Variants in HMX1 observed in about 807,000 individuals in gnomAD.
The protein encoded by HMX1 is H6 family homeobox 1, also known as homeobox protein HMX1.
A neutral mutation model predicts 8.9 loss-of-function variants in HMX1; 8 were observed. The ratio of observed to expected loss-of-function variants is 0.90; its 90% confidence interval spans 0.53 to 1.63. HMX1 has a LOEUF of 1.63. HMX1 is among the 40% of genes most tolerant of loss of function. HMX1 has a pLI of 0.00. For missense variants in HMX1, 621 were observed against 558.5 expected (o/e 1.11, Z -1.13); for synonymous variants, 311 against 283.4 (o/e 1.10, Z -0.98).
Position 8,868,781 on chromosome 4 carries a change from A to G in HMX1, c.395-436T>C, listed in dbSNP as rs1420032873. 6.6e-6 allele frequency among the ~76,000 whole-genome samples: 1 copy of G among 152,116 alleles called. No homozygotes were observed. The highest frequency in any genetic ancestry group is 1.5e-5 in the Non-Finnish European group (1 of 68,022). On this transcript the variant is annotated intron_variant, in intron 1 of 1. Transcript: ENST00000400677. This position sits in a 1 kb window ranked among gnomAD's most constrained non-coding sequence, Gnocchi z 4.6. Reference sequence around the variant, plus strand: ...GGACAAGAGGAAAGATGTCCTTCCGAGAAATGTTCACACCGAAAAACAAGC... The same window carrying G: ...GGACAAGAGGAAAGATGTCCTTCCGGGAAATGTTCACACCGAAAAACAAGC...
rs990114967 is a variant in HMX1, at chr4:8,860,279, A to G, written c.394+10942T>C. ...ACCGATATACTGCAGGAGTCCGGGCACAGGCTGAGGGGACCGGCCCGTGCG... is the reference window on the plus strand; with the variant it reads ...ACCGATATACTGCAGGAGTCCGGGCGCAGGCTGAGGGGACCGGCCCGTGCG... On this transcript the variant is annotated intron_variant, in intron 1 of 1. Coordinates refer to the HMX1 transcript ENST00000506970. 2.6e-5 allele frequency among the ~76,000 whole-genome samples: 4 copies of G among 152,218 alleles called. No homozygotes were observed. In the East Asian group the frequency reaches 5.8e-4, roughly 22 times the overall value.
At chr4:8,857,844 G>C (rs1577194973) in intron 1 of HMX1, among the ~76,000 whole-genome samples, 1 of 152,164 alleles carries the variant, frequency 6.6e-6, no homozygotes, top group Admixed American at 6.5e-5. Context: ...AGAGAAGTGC[G>C]CTCCTCCAGG....
intron 1 of HMX1, among the ~76,000 whole-genome samples, chr4:8,851,705 T>C (rs893825609): frequency 2.6e-5 from 4 of 152,174 alleles, no homozygotes; most frequent in Non-Finnish European, 4.4e-5. Context: ...GGCCAGTCAC[T>C]GGGCCTCTCG....
chr4:8,859,861 C>T (rs1277517618), intron 1 of HMX1, among the ~76,000 whole-genome samples: 1 of 152,242 alleles, frequency 6.6e-6, no homozygotes, highest in East Asian at 1.9e-4. Flanking sequence ...AAGGGCCATT[C>T]GCCATTCCAG....
chr4:8,865,377 C>G (rs1224185357), downstream of HMX1, among the ~76,000 whole-genome samples: 1 of 152,204 alleles, frequency 6.6e-6, no homozygotes, highest in Non-Finnish European at 1.5e-5. Flanking sequence ...CCTCGCCAGT[C>G]TGAGTAGCAT....
Position 8,871,782 on chromosome 4 carries a change from C to A in HMX1, c.-168G>T, listed in dbSNP as rs995112184. 34 of 893,304 alleles carry A rather than the reference C, an allele frequency of 3.8e-5. No individual in the cohort carries two copies. Among genetic ancestry groups the A allele is most frequent in the African/African-American group, 2.2e-4 (12 of 55,162 alleles). The allele number at this position is 893,304 out of a possible 1,614,324, so 55.3% of individuals were successfully genotyped here. ...GCCTCCGCGCCGGGCTGGGCTGGGC[C>A]GGGCCGGGAGCGAGTGCGCGCCGAC... is the stretch of plus-strand genomic sequence containing the variant. On this transcript the variant is annotated 5_prime_UTR_variant, in exon 1 of 2. Transcript: ENST00000400677. This position sits in a 1 kb window ranked among gnomAD's most constrained non-coding sequence, Gnocchi z 4.8.
In HMX1 at chr4:8,870,627, C is replaced by T. The variant is rs1477809809; in HGVS notation, c.394+594G>A. Among the ~76,000 whole-genome samples the T allele has an allele frequency of 3.9e-5, 6 of 152,118 alleles. No homozygotes were observed. The highest frequency in any genetic ancestry group is 1.4e-4 in the African/African-American group (6 of 41,420). ...ACAGGACTCTGGGGGGGCACAGCTG[C>T]CATGTTAGATGGCTCCCCTCCCCGG... On this transcript the variant is annotated intron_variant, in intron 1 of 1. Transcript: ENST00000400677. This position sits in a 1 kb window ranked among gnomAD's most constrained non-coding sequence, Gnocchi z 4.4.
chr4:8,850,427 C>T (rs1721411105), intron 1 of HMX1, among the ~76,000 whole-genome samples: 1 of 152,162 alleles, frequency 6.6e-6, no homozygotes, highest in Non-Finnish European at 1.5e-5. Flanking sequence ...GTGGCCCCTC[C>T]AAGCACTGTC....
Position 8,871,486 on chromosome 4 carries a change from C to A in HMX1, c.129G>T (p.Glu43Asp). ...GRATQGDGSR[E>D]DEEEDDDDPE... ...GGTCGTCGTCGTCCTCCTCCTCGTC[C>A]TCCCGGCTGCCGTCGCCCTGGGTCG... The change falls in exon 1 of 2, where the codon GAG becomes GAT. Residue 43 changes from glutamate to aspartate, a missense_variant. Coordinates refer to ENST00000400677, the MANE Select transcript of HMX1 (RefSeq NM_018942.3). This position sits in a 1 kb window ranked among gnomAD's most constrained non-coding sequence, Gnocchi z 4.8. 7.5e-7 allele frequency: 1 copy of A among 1,340,304 alleles called. No homozygotes were observed. The allele number at this position is 1,340,304 out of a possible 1,614,324, so 83.0% of individuals were successfully genotyped here. A position where few individuals can be genotyped will look rare whatever the true frequency, so the allele number is the denominator to read the frequency against.
At chr4:8,863,222 C>G (rs1721888692), downstream of HMX1, among the ~76,000 whole-genome samples, 1 of 152,196 alleles carries the variant, frequency 6.6e-6, no homozygotes, top group Non-Finnish European at 1.5e-5. Flanking sequence ...GAGGAGGGCG[C>G]CGGGGAGCCT....
At position 8,871,498 on chromosome 4, in the gene HMX1, G is replaced by A; in HGVS notation, c.117C>T (p.Asp39=). The A allele has an allele frequency of 1.5e-6, 2 of 1,329,794 alleles. No individual in the cohort carries two copies. The highest frequency in any genetic ancestry group is 1.9e-6 in the Non-Finnish European group (2 of 1,038,328). 82.4% of individuals were successfully genotyped at this position (1,329,794 alleles called of 1,614,324 possible). A position where few individuals can be genotyped will look rare whatever the true frequency, so the allele number is the denominator to read the frequency against. Residue 39 remains aspartate (D), a synonymous_variant, in exon 1 of 2, where the codon GAC becomes GAT. Coordinates refer to ENST00000400677, the MANE Select transcript of HMX1 (RefSeq NM_018942.3). The surrounding 1 kb of genome is among the most constrained non-coding windows in gnomAD (Gnocchi z 4.8). ...AKGAGRATQG[D]GSREDEEEDD... is the part of the protein sequence containing the mutation. ...CCTCCTCCTCGTCCTCCCGGCTGCC[G>A]TCGCCCTGGGTCGCGCGCCCTGCGC... is the stretch of plus-strand genomic sequence containing the variant.
At chr4:8,855,627 A>T (rs28415535) in intron 1 of HMX1, among the ~76,000 whole-genome samples, 7,934 of 151,998 alleles carry the variant, frequency 0.052, 702 homozygotes, top group African/African-American at 0.18. Flanking sequence ...TCAAGGATTC[A>T]CCCTCCAGGA....
downstream of HMX1, among the ~76,000 whole-genome samples, chr4:8,862,533 G>A (rs1320788757): frequency 2.6e-5 from 4 of 152,064 alleles, no homozygotes; most frequent in Non-Finnish European, 4.4e-5. Flanking sequence ...TATTTTTGTT[G>A]CCTTATTATA....
intron 1 of HMX1, among the ~76,000 whole-genome samples, chr4:8,861,456 G>A (rs549282431): frequency 3.9e-5 from 6 of 152,306 alleles, no homozygotes; most frequent in South Asian, 2.1e-4. Flanking sequence ...GGAGAATCAC[G>A]CTCGGGAAAG....
At chr4:8,858,243 C>T (rs1238295445) in intron 1 of HMX1, among the ~76,000 whole-genome samples, 1 of 152,046 alleles carries the variant, frequency 6.6e-6, no homozygotes, top group African/African-American at 2.4e-5. Context: ...AGCTGGAGCC[C>T]CGAGAGCGCT....
At chr4:8,855,423 C>T (rs1296592249) in intron 1 of HMX1, among the ~76,000 whole-genome samples, 7 of 152,154 alleles carry the variant, frequency 4.6e-5, no homozygotes, top group Non-Finnish European at 7.3e-5. Context: ...AAGAAACAGC[C>T]GTGACCTCAG....
chr4:8,871,658 C>T lies in HMX1; in HGVS notation c.-44G>A. 3.4e-6 allele frequency: 4 copies of T among 1,182,776 alleles called. No individual in the cohort carries two copies. The highest frequency in any genetic ancestry group is 4.2e-6 in the Non-Finnish European group (4 of 957,336). The allele number at this position is 1,182,776 out of a possible 1,614,324, so 73.3% of individuals were successfully genotyped here. ...GGGCTCGGCCGGGCTCCTCGGTCCC[C>T]GCTGGGGATGGTGGCGCGCGGCTCC... On this transcript the variant is annotated 5_prime_UTR_variant, in exon 1 of 2. Coordinates refer to ENST00000400677, the MANE Select transcript of HMX1 (RefSeq NM_018942.3). The surrounding 1 kb of genome is among the most constrained non-coding windows in gnomAD (Gnocchi z 4.8).
In HMX1 at chr4:8,870,884, C is replaced by T. The variant is rs958103083; in HGVS notation, c.394+337G>A. On this transcript the variant is annotated intron_variant, in intron 1 of 1. Coordinates refer to ENST00000400677, the MANE Select transcript of HMX1 (RefSeq NM_018942.3). The surrounding 1 kb of genome is among the most constrained non-coding windows in gnomAD (Gnocchi z 4.4). Reference sequence around the variant, plus strand: ...TCTTTCTCAGCCTCTTTCGCCTTCTCCTGTATCTTTCCCTATCCTCTTTCA... The same window carrying T: ...TCTTTCTCAGCCTCTTTCGCCTTCTTCTGTATCTTTCCCTATCCTCTTTCA... 6.7e-6 allele frequency among the ~76,000 whole-genome samples: 1 copy of T among 150,198 alleles called. No homozygotes were observed. The highest frequency in any genetic ancestry group is 2.5e-5 in the African/African-American group (1 of 40,798).
downstream of HMX1, among the ~76,000 whole-genome samples, chr4:8,863,820 G>A (rs546990404): frequency 6.6e-6 from 1 of 152,258 alleles, no homozygotes; most frequent in African/African-American, 2.4e-5. Flanking sequence ...CAGGATTCCA[G>A]TAGCTCCGAT....
Sources: allele counts gnomAD v4.1 joint callset (sites outside exome capture counted in the v4.1 genomes callset), GRCh38; gene constraint gnomAD v4.1.1; non-coding constraint Gnocchi (gnomAD v3.1); transcripts MANE v1.5; gene names NCBI Gene and HGNC (gene_info 2026-07-23, HGNC 2026-07-21).